The following IL17RC variants were observed in gnomAD, a reference collection of about 807,000 sequenced individuals.
The protein encoded by IL17RC is interleukin 17 receptor C.
In IL17RC, 53 loss-of-function variants were observed where a neutral mutation model predicts 86.7. That is an observed-to-expected ratio of 0.61 (90% CI 0.49 to 0.77). The LOEUF (loss-of-function observed/expected upper bound fraction) is 0.77, where lower values mean the gene tolerates loss of function less well. IL17RC is among the 30% of genes least tolerant of loss of function. The probability of loss-of-function intolerance (pLI) is 0.00; values close to 1 mark genes in which losing one functional copy is unlikely to be tolerated. For missense variants in IL17RC, 957 were observed against 940.0 expected (o/e 1.02, Z -0.24); for synonymous variants, 439 against 413.1 (o/e 1.06, Z -0.76).
In IL17RC at chr3:9,933,190, C is replaced by T; in HGVS notation, c.1760C>T (p.Ala587Val). 1 of 1,607,792 alleles carries T rather than the reference C, an allele frequency of 6.2e-7. No homozygotes were observed. The highest frequency in any genetic ancestry group is 1.1e-5 in the South Asian group (1 of 90,460). The change falls in exon 19 of 19, where the codon GCG becomes GTG. Residue 587 changes from alanine to valine, a missense_variant. By Grantham distance (64) the Ala-to-Val change is moderately conservative (BLOSUM62 0). Coordinates refer to ENST00000403601, the MANE Select transcript of IL17RC (RefSeq NM_153460.4). ...TTGCTCTTCTCTCCCGGTGCGGTGG[C>T]GCTGTGCAGCGAGTGGCTACAGGAT... Reference protein sequence around the residue: ...VVLLFSPGAVALCSEWLQDGV... With the variant: ...VVLLFSPGAVVLCSEWLQDGV...
Position 9,917,180 on chromosome 3 carries a change from C to A in IL17RC, c.-136C>A. On this transcript the variant is annotated 5_prime_UTR_variant, in exon 1 of 19. Coordinates refer to ENST00000403601, the MANE Select transcript of IL17RC (RefSeq NM_153460.4). ...AGTGCACAAACTACCCAGCACAGCCCCCTCCGCCCCCTCTGGAGGCTGAAG... is the reference window on the plus strand; with the variant it reads ...AGTGCACAAACTACCCAGCACAGCCACCTCCGCCCCCTCTGGAGGCTGAAG... The A allele has an allele frequency of 1.5e-6, 1 of 659,040 alleles. No individual in the cohort carries two copies. Among genetic ancestry groups the A allele is most frequent in the Non-Finnish European group, 2.6e-6 (1 of 383,780 alleles). 40.8% of individuals were successfully genotyped at this position (659,040 alleles called of 1,614,324 possible).
At chr3:9,931,172 G>A (rs886113097) in intron 16 of IL17RC, among the ~76,000 whole-genome samples, 3 of 152,048 alleles carry the variant, frequency 2.0e-5, no homozygotes, top group African/African-American at 7.3e-5. Flanking sequence ...AGCAAGACAT[G>A]AGCCAGTCAC....
rs2084965291 is a variant in IL17RC, at chr3:9,933,266, G to T, written c.1836G>T (p.Ser612=). 6.2e-7 allele frequency: 1 copy of T among 1,603,660 alleles called. No homozygotes were observed. Among genetic ancestry groups the T allele is most frequent in the East Asian group, 2.3e-5 (1 of 44,392 alleles). The change falls in exon 19 of 19, where the codon TCG becomes TCT. Residue 612 remains serine, a synonymous_variant. Coordinates refer to ENST00000403601, the MANE Select transcript of IL17RC (RefSeq NM_153460.4). ...GCCCGCACGACGCCTTCCGCGCCTC[G>T]CTCAGCTGCGTGCTGCCCGACTTCT... ...AHGPHDAFRA[S]LSCVLPDFLQ...
chr3:9,925,683 T>G (rs1490680809), intron 9 of IL17RC, among the ~76,000 whole-genome samples: 1 of 151,962 alleles, frequency 6.6e-6, no homozygotes, highest in Non-Finnish European at 1.5e-5. Context: ...CCAGTGGAGC[T>G]ACTTACCAAG....
chr3:9,917,918 CACAG>C lies in IL17RC; in HGVS notation c.128_131del. The stretch of plus-strand genomic sequence containing the variant: ...TTCAGCTCCCACCCGCTCCTCCACA[CACAG>C]ACAGTGACATACTCTGCCTGCCTGG... On this transcript the variant is annotated splice_acceptor_variant and splice_polypyrimidine_tract_variant and intron_variant, in intron 2 of 18. Transcript: ENST00000403601. LOFTEE classifies it high-confidence loss of function. The C allele has an allele frequency of 6.2e-7, 1 of 1,613,286 alleles. No homozygotes were observed. The highest frequency in any genetic ancestry group is 8.5e-7 in the Non-Finnish European group (1 of 1,180,026).
At chr3:9,923,811 C>G in intron 7 of IL17RC, 70 bp from the exon 8 acceptor site, 1 of 1,556,470 alleles carries the variant, frequency 6.4e-7, no homozygotes, top group Non-Finnish European at 8.8e-7. Flanking sequence ...AAGGAAACTC[C>G]AAAGGGTCAG....
At chr3:9,927,645 A>G (rs2084212577) in intron 9 of IL17RC, among the ~76,000 whole-genome samples, 1 of 151,996 alleles carries the variant, frequency 6.6e-6, no homozygotes, top group Non-Finnish European at 1.5e-5. Context: ...CACTCATTAA[A>G]AGTCTGTTGA....
chr3:9,924,103 C>T, intron 8 of IL17RC, 83 bp downstream of exon 8: 2 of 1,609,906 alleles, frequency 1.2e-6, no homozygotes, highest in Non-Finnish European at 1.7e-6. Flanking sequence ...AGAGAGGATC[C>T]TTGAAGAGGA....
intron 9 of IL17RC, among the ~76,000 whole-genome samples, chr3:9,927,536 C>G (rs2125241351): frequency 6.6e-6 from 1 of 152,154 alleles, no homozygotes; most frequent in Middle Eastern, 3.4e-3. Context: ...CCAGCCTGGG[C>G]AACAGAGTGA....
At chr3:9,931,320 T>C (rs1438373193) in intron 16 of IL17RC, among the ~76,000 whole-genome samples, 15 of 151,504 alleles carry the variant, frequency 9.9e-5, no homozygotes, top group Admixed American at 9.2e-4. Flanking sequence ...AAGACTGAGC[T>C]AGGGGAAGGG....
intron 7 of IL17RC, 65 bp from the exon 8 acceptor site, chr3:9,923,816 G>A: frequency 6.4e-7 from 1 of 1,564,736 alleles, no homozygotes; most frequent in African/African-American, 1.4e-5. Context: ...AACTCCAAAG[G>A]GTCAGTCGGG....
chr3:9,924,362 C>T (rs1375388528), intron 9 of IL17RC, 71 bp downstream of exon 9: 4 of 1,464,688 alleles, frequency 2.7e-6, no homozygotes, highest in Non-Finnish European at 3.8e-6. Flanking sequence ...CCCTGCCTTC[C>T]TGGTCTCACC....
At chr3:9,928,957 C>T (rs1469135068) in intron 12 of IL17RC, 1 of 328,154 alleles carries the variant, frequency 3.0e-6, no homozygotes, top group African/African-American at 2.1e-5. Flanking sequence ...TATTGCTATC[C>T]TTATTCTATT....
In IL17RC at chr3:9,932,979, C is replaced by T. The variant is rs1324499257; in HGVS notation, c.1549C>T (p.Leu517Phe). ...GAAARGRAAL[L>F]LYSADDSGFE... ...GGCCGCCAGGGGCCGCGCGGCTCTG[C>T]TCCTCTACTCAGCCGATGACTCGGG... Residue 517 changes from leucine to phenylalanine, a missense_variant, in exon 19 of 19, where the codon CTC becomes TTC. Leu to Phe is a conservative substitution (Grantham distance 22). Transcript: ENST00000403601. 1.3e-5 allele frequency: 20 copies of T among 1,599,772 alleles called. 1 individual carries two copies. In the Admixed American group the frequency reaches 3.5e-4, roughly 28 times the overall value.
Position 9,918,012 on chromosome 3 carries a change from AG to A in IL17RC, c.219del (p.Arg73SerfsTer95), listed in dbSNP as rs1378986640. The A allele has an allele frequency of 1.9e-6, 3 of 1,613,202 alleles. No individual in the cohort carries two copies. Among genetic ancestry groups the A allele is most frequent in the Non-Finnish European group, 2.5e-6 (3 of 1,179,654 alleles). On this transcript the variant is annotated frameshift_variant, in exon 3 of 19. Coordinates refer to ENST00000403601, the MANE Select transcript of IL17RC (RefSeq NM_153460.4). LOFTEE classifies it high-confidence loss of function. ...PTHLQTELVLRCQKETDCDLC... is the reference protein window; with the variant it reads ...PTHLQTELVLXCQKETDCDLC... ...GCACCTGCAGACAGAGCTGGTGCTG[AG>A]GTGCCAGAAGGAGACCGACTGTGAC...
chr3:9,928,360 G>GCA lies in IL17RC; in HGVS notation c.934_935dup (p.Gln312HisfsTer51), dbSNP rs1456251439. The GCA allele has an allele frequency of 3.1e-6, 5 of 1,605,622 alleles. No individual in the cohort carries two copies. The highest frequency in any genetic ancestry group is 1.3e-5 in the African/African-American group (1 of 74,742). On this transcript the variant is annotated frameshift_variant, in exon 11 of 19. Coordinates refer to ENST00000403601, the MANE Select transcript of IL17RC (RefSeq NM_153460.4). LOFTEE classifies it high-confidence loss of function. ...CCGCCCGACTGCAACTGCTGACCCT[G>GCA]CAGAGCTGGCTGCTGGACGCACCGT...
chr3:9,925,216 C>T (rs776725025), intron 9 of IL17RC, among the ~76,000 whole-genome samples: 2 of 32,408 alleles, frequency 6.2e-5, no homozygotes, highest in African/African-American at 2.8e-4. Flanking sequence ...CCTGGGTTCA[C>T]GCCATTCTCC....
At chr3:9,932,209 T>C (rs967929459) in intron 16 of IL17RC, among the ~76,000 whole-genome samples, 22 of 152,062 alleles carry the variant, frequency 1.4e-4, no homozygotes, top group African/African-American at 5.3e-4. Context: ...TCTGGGCAAA[T>C]CATTTCTTCG....
chr3:9,933,122 C>T lies in IL17RC; in HGVS notation c.1692C>T (p.His564=). ...LSAQGPVAWF[H]AQRRQTLQEG... is the part of the protein sequence containing the mutation. ...CGCAGGGGCCCGTGGCTTGGTTTCA[C>T]GCGCAGCGGCGCCAGACCCTGCAGG... Residue 564 remains histidine (H), a synonymous_variant, in exon 19 of 19, where the codon CAC becomes CAT. Transcript: ENST00000403601. 1 of 1,586,132 alleles carries T rather than the reference C, an allele frequency of 6.3e-7. No individual in the cohort carries two copies. Among genetic ancestry groups the T allele is most frequent in the Non-Finnish European group, 8.5e-7 (1 of 1,170,860 alleles).
Sources: allele counts gnomAD v4.1 joint callset (sites outside exome capture counted in the v4.1 genomes callset), GRCh38; gene constraint gnomAD v4.1.1; transcripts MANE v1.5; gene names NCBI Gene and HGNC (gene_info 2026-07-23, HGNC 2026-07-21).